Variants in WDFY3 observed in about 807,000 individuals in gnomAD.
The protein encoded by WDFY3 is WD repeat and FYVE domain containing 3.
A neutral mutation model predicts 409.6 loss-of-function variants in WDFY3; 66 were observed. That is an observed-to-expected ratio of 0.16 (90% CI 0.13 to 0.20). WDFY3 has a LOEUF of 0.20. Ranked by LOEUF, WDFY3 falls within the 10% of genes least tolerant of loss-of-function variation. The pLI is 1.00. For synonymous variants in WDFY3, 1,521 were observed against 1,537.1 expected (o/e 0.99, Z 0.25); for missense variants, 3,031 against 4,298.1 (o/e 0.71, Z 8.24).
intron 23 of WDFY3, among the ~76,000 whole-genome samples, chr4:84,786,652 T>C (rs1040118422): frequency 6.6e-6 from 1 of 152,200 alleles, no homozygotes; most frequent in Admixed American, 6.5e-5. Flanking sequence ...GCGACCTATA[T>C]GTCTTTGTGC....
At chr4:84,916,848 T>C (rs972063892) in intron 2 of WDFY3, among the ~76,000 whole-genome samples, 127 of 152,332 alleles carry the variant, frequency 8.3e-4, no homozygotes, top group Non-Finnish European at 1.9e-4. Flanking sequence ...GAGTATTTTC[T>C]ATGTTACATT....
In WDFY3 at chr4:84,821,411, C is replaced by G; in HGVS notation, c.1264G>C (p.Glu422Gln). The change falls in exon 11 of 68, where the codon GAG becomes CAG. Residue 422 changes from glutamate (E) to glutamine (Q), a missense_variant. By Grantham distance (29) the Glu-to-Gln change is conservative. Coordinates refer to ENST00000295888, the MANE Select transcript of WDFY3 (RefSeq NM_014991.6). ...AACTGTGACAATGTGTGCTGTGACT[C>G]TAGGATGAAGTAATTGGCATTGTCA... is the stretch of plus-strand genomic sequence containing the variant. The part of the protein sequence containing the change: ...MADNANYFIL[E>Q]SQHTLSQFAE... 1 of 1,613,820 alleles carries G rather than the reference C, an allele frequency of 6.2e-7. No homozygotes were observed. The highest frequency in any genetic ancestry group is 8.5e-7 in the Non-Finnish European group (1 of 1,179,846).
At chr4:84,860,254 C>A (rs1432539160) in intron 4 of WDFY3, among the ~76,000 whole-genome samples, 158 bp downstream of exon 4, 1 of 152,232 alleles carries the variant, frequency 6.6e-6, no homozygotes, top group African/African-American at 2.4e-5. Flanking sequence ...TCAAGTCACA[C>A]TGCTTTATAG....
At chr4:84,802,056 TC>T (rs1398559892) in intron 16 of WDFY3, among the ~76,000 whole-genome samples, 192 bp from the exon 17 acceptor site, 11 of 151,880 alleles carry the variant, frequency 7.2e-5, no homozygotes, top group Non-Finnish European at 1.6e-4. Flanking sequence ...CAAGTGATTC[TC>T]CTGCCACAGC....
chr4:84,877,227 G>A (rs1337366009), intron 3 of WDFY3, among the ~76,000 whole-genome samples: 3 of 152,098 alleles, frequency 2.0e-5, no homozygotes, highest in Non-Finnish European at 2.9e-5. Context: ...CTGCCTGCAC[G>A]CACCCTGAGC....
At chr4:84,934,379 A>G (rs569126362) in intron 1 of WDFY3, among the ~76,000 whole-genome samples, 2 of 152,256 alleles carry the variant, frequency 1.3e-5, no homozygotes, top group South Asian at 4.1e-4. Context: ...ATTAAGGAAA[A>G]GTACTCTTTA....
intron 25 of WDFY3, 68 bp from the exon 26 acceptor site, chr4:84,780,366 C>A: frequency 7.1e-7 from 1 of 1,416,900 alleles, no homozygotes; most frequent in South Asian, 1.6e-5. Flanking sequence ...TATACATCAT[C>A]TTGAAAAGTT....
At chr4:84,765,688 T>G (rs1031658791) in intron 32 of WDFY3, 122 bp downstream of exon 32, 6 of 750,072 alleles carry the variant, frequency 8.0e-6, no homozygotes, top group Non-Finnish European at 1.2e-5. Context: ...CCTTCTATCA[T>G]TAATTAAAAT....
intron 5 of WDFY3, among the ~76,000 whole-genome samples, chr4:84,844,123 T>C (rs1211317367): frequency 6.6e-6 from 1 of 152,160 alleles, no homozygotes; most frequent in Non-Finnish European, 1.5e-5. Flanking sequence ...TTAAATGCAA[T>C]TTCTCAGCCT....
At chr4:84,826,506 A>T (rs1025352000) in intron 10 of WDFY3, among the ~76,000 whole-genome samples, 2 of 152,236 alleles carry the variant, frequency 1.3e-5, no homozygotes, top group Admixed American at 1.3e-4. Flanking sequence ...GTAAAGTAGA[A>T]ATGCACGAAG....
At chr4:84,713,125 T>G in intron 51 of WDFY3, 34 bp downstream of exon 51, 1 of 1,602,978 alleles carries the variant, frequency 6.2e-7, no homozygotes, top group Non-Finnish European at 8.5e-7. Flanking sequence ...AACTTCACTA[T>G]TAAACTGTAA....
Position 84,780,166 on chromosome 4 carries a change from C to G in WDFY3, c.4307G>C (p.Cys1436Ser). The G allele has an allele frequency of 6.2e-7, 1 of 1,613,322 alleles. No homozygotes were observed. The highest frequency in any genetic ancestry group is 2.2e-5 in the East Asian group (1 of 44,856). The change falls in exon 26 of 68, where the codon TGT becomes TCT. Residue 1436 changes from cysteine to serine, a missense_variant. Around this residue, in one of 16 missense-constraint regions of WDFY3, gnomAD observed 55 missense variants for 124.1 expected, o/e 0.44. Transcript: ENST00000295888. ...GGCTAGTGGGTTACTCTTGACCACACAAACCAGGGCCTTGACTGCTGCATA... is the reference window on the plus strand; with the variant it reads ...GGCTAGTGGGTTACTCTTGACCACAGAAACCAGGGCCTTGACTGCTGCATA... ...GLYAAVKALVCVVKSNPLASK... is the reference protein window; with the variant it reads ...GLYAAVKALVSVVKSNPLASK...
At position 84,921,646 on chromosome 4, in the gene WDFY3, A is replaced by ATTTTTTTTTTTTTT. The variant is rs747576197; in HGVS notation, c.-132+10610_-132+10623dup. ...ATGGAACCAAGTCTCTATTGCTTTC[A>ATTTTTTTTTTTTTT]TTTTTTTTTTTTTTTTTTTTTTTTT... On this transcript the variant is annotated intron_variant, in intron 2 of 67. Transcript: ENST00000295888. Among the ~76,000 whole-genome samples, 6 of 78,674 alleles carry ATTTTTTTTTTTTTT rather than the reference A, an allele frequency of 7.6e-5. 1 individual carries two copies. The highest frequency in any genetic ancestry group is 2.3e-4 in the African/African-American group (4 of 17,624). The allele number at this position is 78,674 out of a possible 152,430, so 51.6% of individuals were successfully genotyped here. A position where few individuals can be genotyped will look rare whatever the true frequency, so the allele number is the denominator to read the frequency against.
intron 30 of WDFY3, among the ~76,000 whole-genome samples, chr4:84,769,804 T>G (rs1253973174): frequency 3.3e-5 from 5 of 152,152 alleles, no homozygotes; most frequent in Non-Finnish European, 7.3e-5. Context: ...GTGTACCATA[T>G]GTAATGACCA....
At chr4:84,685,487 A>G (rs776092752) in intron 62 of WDFY3, among the ~76,000 whole-genome samples, 19 of 152,236 alleles carry the variant, frequency 1.2e-4, no homozygotes, top group African/African-American at 3.4e-4. Context: ...ATTTCTGACT[A>G]TAAGTGTCAG....
At chr4:84,797,631 A>G (rs1213497850) in intron 18 of WDFY3, among the ~76,000 whole-genome samples, 2 of 151,662 alleles carry the variant, frequency 1.3e-5, no homozygotes, top group Admixed American at 1.3e-4. Context: ...CCCAGGCTGG[A>G]GTGCAGTGGC....
At chr4:84,912,483 A>G (rs1263826876) in intron 2 of WDFY3, among the ~76,000 whole-genome samples, 1 of 152,226 alleles carries the variant, frequency 6.6e-6, no homozygotes, top group Non-Finnish European at 1.5e-5. Context: ...GGACTCTAAT[A>G]TGATTTGAGA....
chr4:84,925,342 T>A, intron 2 of WDFY3, among the ~76,000 whole-genome samples: 1 of 152,184 alleles, frequency 6.6e-6, no homozygotes, highest in East Asian at 1.9e-4. Context: ...AAAAATCTCA[T>A]GTGGCTTGCT....
intron 1 of WDFY3, among the ~76,000 whole-genome samples, chr4:84,952,766 T>C (rs1773771936): frequency 6.6e-6 from 1 of 152,150 alleles, no homozygotes; most frequent in Non-Finnish European, 1.5e-5. Context: ...ATTTCTGGAT[T>C]TAGCAAATTA....
Sources: gnomAD v4.1 joint callset for allele counts (sites outside exome capture counted in the v4.1 genomes callset) on GRCh38, gnomAD v4.1.1 for gene constraint, gnomAD v4.1.1 regional missense constraint, MANE v1.5 for transcripts, NCBI Gene and HGNC (gene_info 2026-07-23, HGNC 2026-07-21) for gene names.